The following PCDH15 variants were observed in gnomAD, a reference collection of about 807,000 sequenced individuals.
The protein encoded by PCDH15 is protocadherin-15.
Under a neutral mutation model 178.5 loss-of-function variants are expected in PCDH15, and 129 were observed. That is an observed-to-expected ratio of 0.72 (90% confidence interval 0.63 to 0.84). The LOEUF (loss-of-function observed/expected upper bound fraction) is 0.84. PCDH15 is among the 40% of genes least tolerant of loss of function. The pLI is 0.00. For missense variants in PCDH15, 2,230 were observed against 2,099.9 expected, an observed-to-expected ratio of 1.06 and a Z score of -1.21; for synonymous variants, 800 against 732.0, an observed-to-expected ratio of 1.09 and a Z score of -1.50.
chr10:55,105,557 A>T (rs1423447173), intron 2 of PCDH15, among the ~76,000 whole-genome samples: 2 of 152,150 alleles, frequency 1.3e-5, no homozygotes, highest in African/African-American at 4.8e-5. Context: ...TTTATTTAAT[A>T]TTACAGGAGG....
intron 4 of PCDH15, among the ~76,000 whole-genome samples, chr10:54,377,196 T>C (rs1225059554): frequency 2.0e-5 from 3 of 152,120 alleles, no homozygotes; most frequent in Non-Finnish European, 4.4e-5. Context: ...GAATAAACAT[T>C]AAATGTTATT....
chr10:53,828,527 T>C, intron 31 of PCDH15, 38 bp downstream of exon 31: 1 of 1,504,420 alleles, frequency 6.6e-7, no homozygotes, highest in Non-Finnish European at 9.2e-7. Context: ...CTTTTCCTAT[T>C]ACATGAAAAG....
intron 2 of PCDH15, among the ~76,000 whole-genome samples, chr10:55,402,581 T>C (rs1189237983): frequency 6.6e-6 from 1 of 152,028 alleles, no homozygotes; most frequent in East Asian, 1.9e-4. Flanking sequence ...ATTTTTGTCT[T>C]TCTGTGCCTG....
At chr10:54,837,480 A>G (rs896086207) in intron 3 of PCDH15, among the ~76,000 whole-genome samples, 1 of 152,110 alleles carries the variant, frequency 6.6e-6, no homozygotes, top group African/African-American at 2.4e-5. Flanking sequence ...TAAGAATAAA[A>G]CCTGGAAATT....
rs184897945 is a variant in PCDH15, at chr10:54,494,696, G to A, written c.157+33116C>T. ...CCTTGTGAGGCTGGCAGATATTATG[G>A]TCATAGTTTTTTTCTCTATTTTAAT... On this transcript the variant is annotated intron_variant, in intron 3 of 37. Coordinates refer to ENST00000644397, the MANE Select transcript of PCDH15 (RefSeq NM_001384140.1). Among the ~76,000 whole-genome samples the A allele has an allele frequency of 2.4e-3, 372 of 152,182 alleles. 1 individual carries two copies. Among genetic ancestry groups the A allele is most frequent in the African/African-American group, 8.1e-3 (337 of 41,540 alleles).
rs567482975 is a variant in PCDH15 at position 54,738,920 on chromosome 10, G to A, written c.-29+62005C>T. Among the ~76,000 whole-genome samples, 5 of 151,924 alleles carry A rather than the reference G, an allele frequency of 3.3e-5. No homozygotes were observed. In the East Asian group the frequency reaches 9.7e-4, roughly 30 times the overall value. ...TATAAAAGAAGTATACCTCAAAATAGTAAGGGCCACATCTAACAAACCCAC... is the reference window on the plus strand; with the variant it reads ...TATAAAAGAAGTATACCTCAAAATAATAAGGGCCACATCTAACAAACCCAC... On this transcript the variant is annotated intron_variant, in intron 1 of 37. Coordinates refer to ENST00000644397, the MANE Select transcript of PCDH15 (RefSeq NM_001384140.1).
intron 35 of PCDH15, among the ~76,000 whole-genome samples, chr10:53,814,819 C>T (rs1477282373): frequency 1.3e-5 from 2 of 152,130 alleles, no homozygotes; most frequent in East Asian, 3.9e-4. Flanking sequence ...CAAAAATTAG[C>T]TGGGCATGGT....
rs143467534 is a variant in PCDH15, at chr10:53,997,677, C to T, written c.2752-1912G>A. Among the ~76,000 whole-genome samples, 772 of 152,186 alleles carry T rather than the reference C, an allele frequency of 5.1e-3. 3 individuals carry two copies. The highest frequency in any genetic ancestry group is 8.6e-3 in the Non-Finnish European group (585 of 67,996). ...TGTTCACAGTGTTGAATATGATGAA[C>T]TTTTTATTTGCTTGGGAAGTATTCA... On this transcript the variant is annotated intron_variant, in intron 20 of 37. Coordinates refer to ENST00000644397, the MANE Select transcript of PCDH15 (RefSeq NM_001384140.1).
At chr10:54,506,237 A>AT (rs911703452) in intron 3 of PCDH15, among the ~76,000 whole-genome samples, 3 of 151,924 alleles carry the variant, frequency 2.0e-5, no homozygotes, top group African/African-American at 4.8e-5. Flanking sequence ...CAACACACTG[A>AT]TTTTTTTTCT....
chr10:54,489,932 G>C (rs985413686), intron 3 of PCDH15, among the ~76,000 whole-genome samples: 2 of 151,972 alleles, frequency 1.3e-5, no homozygotes, highest in Non-Finnish European at 2.9e-5. Flanking sequence ...AGTGCACCTA[G>C]GTAAAATGTT....
At chr10:53,964,020 T>C (rs774223917) in intron 21 of PCDH15, among the ~76,000 whole-genome samples, 1 of 152,238 alleles carries the variant, frequency 6.6e-6, no homozygotes, top group African/African-American at 2.4e-5. Flanking sequence ...ATCTTGTTCA[T>C]TTCCCTTTCA....
At chr10:55,117,855 A>G (rs967609966) in intron 2 of PCDH15, among the ~76,000 whole-genome samples, 3 of 152,124 alleles carry the variant, frequency 2.0e-5, no homozygotes, top group African/African-American at 7.2e-5. Flanking sequence ...ATTTGGGAGG[A>G]TGAATATTCA....
chr10:54,830,690 A>T (rs890817894), intron 3 of PCDH15, among the ~76,000 whole-genome samples: 4 of 151,814 alleles, frequency 2.6e-5, no homozygotes, highest in South Asian at 4.2e-4. Flanking sequence ...CATATGTAAC[A>T]AACCTGCACA....
intron 30 of PCDH15, 46 bp downstream of exon 30, chr10:53,831,269 A>G (rs770162611): frequency 3.8e-6 from 6 of 1,569,884 alleles, no homozygotes; most frequent in South Asian, 2.2e-5. Flanking sequence ...GTTTTCTGCA[A>G]TGACTTCTGA....
chr10:55,336,457 CA>C (rs1844399669), intron 2 of PCDH15, among the ~76,000 whole-genome samples: 1 of 152,074 alleles, frequency 6.6e-6, no homozygotes, highest in Non-Finnish European at 1.5e-5. Flanking sequence ...AAGGTCACAC[CA>C]CTGCACTCCA....
At chr10:55,570,011 ATT>A (rs1357310930) in intron 2 of PCDH15, among the ~76,000 whole-genome samples, 1 of 152,020 alleles carries the variant, frequency 6.6e-6, no homozygotes, top group African/African-American at 2.4e-5. Context: ...CAAAAAGCAT[ATT>A]TGTGCCTTAA....
intron 6 of PCDH15, among the ~76,000 whole-genome samples, chr10:54,338,913 C>A (rs1330459815): frequency 6.6e-6 from 1 of 152,088 alleles, no homozygotes; most frequent in Non-Finnish European, 1.5e-5. Flanking sequence ...TCTAAATAGT[C>A]TTATCAATCT....
chr10:54,260,692 G>A (rs1373912630), intron 8 of PCDH15, among the ~76,000 whole-genome samples: 4 of 151,854 alleles, frequency 2.6e-5, no homozygotes, highest in Admixed American at 2.0e-4. Flanking sequence ...GCGATTCTCC[G>A]GCCTCAGCCT....
In PCDH15 at chr10:53,953,563, GA is replaced by G. The variant is rs199950756; in HGVS notation, c.3122+6168del. On this transcript the variant is annotated intron_variant, in intron 23 of 37. Transcript: ENST00000644397. The stretch of plus-strand genomic sequence containing the variant: ...GAAATAACATCAGTTCACAGGATTT[GA>G]AAAAAAAAATCAAATCTTTTCCCAA... Among the ~76,000 whole-genome samples, 236 of 146,814 alleles carry G rather than the reference GA, an allele frequency of 1.6e-3. 1 individual carries two copies. Among genetic ancestry groups the G allele is most frequent in the African/African-American group, 5.6e-3 (223 of 40,086 alleles).
Sources: gnomAD v4.1 joint callset for allele counts (sites outside exome capture counted in the v4.1 genomes callset) on GRCh38, gnomAD v4.1.1 for gene constraint, MANE v1.5 for transcripts, NCBI Gene and HGNC (gene_info 2026-07-23, HGNC 2026-07-21) for gene names.